The following KANK1 variants were observed in gnomAD, a reference collection of about 807,000 sequenced individuals.
KANK1 encodes the protein KN motif and ankyrin repeat domains 1, also known as KN motif and ankyrin repeat domain-containing protein 1.
KANK1 carries 109 observed loss-of-function variants against 106.2 expected under a neutral mutation model. That is an observed-to-expected ratio of 1.03 (90% CI 0.88 to 1.20). KANK1 has a LOEUF of 1.20. KANK1 is among the 50% of genes most tolerant of loss of function. The pLI is 0.00. For missense variants in KANK1, 2,399 were observed against 1,710.7 expected (o/e 1.40, Z -7.10); for synonymous variants, 873 against 652.2 (o/e 1.34, Z -5.16).
At chr9:655,159 C>T (rs1841846162) in intron 1 of KANK1, among the ~76,000 whole-genome samples, 1 of 152,094 alleles carries the variant, frequency 6.6e-6, no homozygotes, top group Non-Finnish European at 1.5e-5. Context: ...CACCTGCGGT[C>T]AGGAGCTCGG....
rs185023026 is a variant in KANK1, at chr9:734,622, T to C, written c.3246-126T>C. ...CGGAGGTTGCAGTGAGCCAAGATCATGCCACTGCACTCCAGCCTGGGCGAC... is the reference window on the plus strand; with the variant it reads ...CGGAGGTTGCAGTGAGCCAAGATCACGCCACTGCACTCCAGCCTGGGCGAC... On this transcript the variant is annotated intron_variant, in intron 6 of 11. Coordinates refer to ENST00000382297, the MANE Select transcript of KANK1 (RefSeq NM_015158.5). 6,908 of 610,508 alleles carry C rather than the reference T, an allele frequency of 0.011. 56 individuals carry two copies. The highest frequency in any genetic ancestry group is 0.015 in the Non-Finnish European group (5,227 of 338,808). 37.8% of individuals were successfully genotyped at this position (610,508 alleles called of 1,614,324 possible).
chr9:510,031 C>T (rs966239075), intron 1 of KANK1, among the ~76,000 whole-genome samples: 8 of 151,418 alleles, frequency 5.3e-5, no homozygotes, highest in Admixed American at 2.6e-4. Context: ...AGGCGGGTCT[C>T]AAACTCCTGG....
chr9:631,687 A>T (rs552619080), intron 1 of KANK1, among the ~76,000 whole-genome samples: 2 of 152,072 alleles, frequency 1.3e-5, no homozygotes, highest in African/African-American at 4.8e-5. Flanking sequence ...ATAAAGTCCA[A>T]CTGTTTAGCT....
Position 618,784 on chromosome 9 carries a change from C to T in KANK1, c.-83-58106C>T, listed in dbSNP as rs866726727. ...ATGCTTCCATTCAGTAAGAAAGCTC[C>T]TGCACACTGGGTGAACAGGCGGTGT... On this transcript the variant is annotated intron_variant, in intron 1 of 11. Coordinates refer to ENST00000382297, the MANE Select transcript of KANK1 (RefSeq NM_015158.5). Among the ~76,000 whole-genome samples the T allele has an allele frequency of 5.9e-5, 9 of 152,248 alleles. No homozygotes were observed. In the South Asian group the frequency reaches 1.9e-3, roughly 32 times the overall value.
chr9:547,236 A>C (rs1362160339), intron 1 of KANK1: 1 of 152,152 alleles, frequency 6.6e-6, no homozygotes, highest in Non-Finnish European at 1.5e-5. Context: ...AGCCCCTCTA[A>C]CGTCAGGCTG....
intron 1 of KANK1, among the ~76,000 whole-genome samples, chr9:629,079 A>C (rs977155611): frequency 2.6e-5 from 1 of 37,966 alleles, no homozygotes; most frequent in African/African-American, 1.2e-4. Context: ...ACTGTTTCCA[A>C]AAAAAAAAAA....
rs566228883 is a variant in KANK1 at position 530,495 on chromosome 9, A to G, written c.-84+25741A>G. On this transcript the variant is annotated intron_variant, in intron 1 of 11. Coordinates refer to ENST00000382297, the MANE Select transcript of KANK1 (RefSeq NM_015158.5). ...CATTTTCCCTCTGACTAAATCCCCC[A>G]TGCCTATGTGTCTGTTTCTTGACTT... Among the ~76,000 whole-genome samples, 8 of 152,196 alleles carry G rather than the reference A, an allele frequency of 5.3e-5. No individual in the cohort carries two copies. In the East Asian group the frequency reaches 1.3e-3, roughly 26 times the overall value.
At chr9:502,685 G>A (rs143064356), upstream of KANK1, among the ~76,000 whole-genome samples, 475 of 152,154 alleles carry the variant, frequency 3.1e-3, 3 homozygotes, top group African/African-American at 0.011. Flanking sequence ...ACCACGCCCA[G>A]CGAATTTTTT....
At position 512,340 on chromosome 9, in the gene KANK1, C is replaced by G. The variant is rs146885020; in HGVS notation, c.-84+7586C>G. On this transcript the variant is annotated intron_variant, in intron 1 of 11. Coordinates refer to ENST00000382297, the MANE Select transcript of KANK1 (RefSeq NM_015158.5). ...TAGTCCTAAATACTGCATTGTGGGC[C>G]AACAGATGGAGACAAGGAGAGTCTA... 2.3e-3 allele frequency among the ~76,000 whole-genome samples: 342 copies of G among 151,844 alleles called. 1 individual carries two copies. The highest frequency in any genetic ancestry group is 7.8e-3 in the African/African-American group (324 of 41,316).
intron 1 of KANK1, among the ~76,000 whole-genome samples, chr9:537,215 C>T (rs2060347154): frequency 6.6e-6 from 1 of 152,154 alleles, no homozygotes; most frequent in South Asian, 2.1e-4. Flanking sequence ...ATGCTTGCAC[C>T]TCTGCTCTTG....
At position 480,576 on chromosome 9, in the gene KANK1, C is replaced by T. The variant is rs531018222; in HGVS notation, c.-362+7303C>T. Among the ~76,000 whole-genome samples the T allele has an allele frequency of 2.6e-5, 4 of 152,256 alleles. No individual in the cohort carries two copies. In the South Asian group the frequency reaches 8.3e-4, roughly 32 times the overall value. The stretch of plus-strand genomic sequence containing the variant: ...CATTTAGCAGTAAAAAGTAAGTTAC[C>T]AAAAGGATTTAATGCAGTTAGTATG... On this transcript the variant is annotated intron_variant, in intron 3 of 15. Coordinates refer to the KANK1 transcript ENST00000382303.
chr9:486,548 T>C (rs1273011086), intron 3 of KANK1, among the ~76,000 whole-genome samples: 1 of 152,202 alleles, frequency 6.6e-6, no homozygotes, highest in African/African-American at 2.4e-5. Flanking sequence ...CAAGGTTATA[T>C]AGCCTGTGAG....
At chr9:722,733 G>C (rs1360333634) in intron 3 of KANK1, among the ~76,000 whole-genome samples, 2 of 152,158 alleles carry the variant, frequency 1.3e-5, no homozygotes, top group African/African-American at 4.8e-5. Context: ...ATTTAATGAG[G>C]TTCTTTTCCT....
At chr9:536,314 C>T (rs1158431429) in intron 1 of KANK1, among the ~76,000 whole-genome samples, 1 of 152,160 alleles carries the variant, frequency 6.6e-6, no homozygotes, top group Non-Finnish European at 1.5e-5. Context: ...TGCACTCCAA[C>T]TTGGGCAACA....
intron 1 of KANK1, among the ~76,000 whole-genome samples, chr9:590,685 A>G (rs1824647869): frequency 6.7e-6 from 1 of 149,318 alleles, no homozygotes; most frequent in African/African-American, 2.6e-5. Context: ...TCTTAAATAC[A>G]GAAATGCACC....
At chr9:503,141 C>G (rs116812340), upstream of KANK1, among the ~76,000 whole-genome samples, 3,519 of 151,722 alleles carry the variant, frequency 0.023, 151 homozygotes, top group African/African-American at 0.081. Flanking sequence ...GCCTGGCCGA[C>G]GAGCACTTTT....
At chr9:741,298 C>G (rs1265908221) in intron 9 of KANK1, among the ~76,000 whole-genome samples, 1 of 151,840 alleles carries the variant, frequency 6.6e-6, no homozygotes, top group Non-Finnish European at 1.5e-5. Context: ...AAACAGTGTC[C>G]CAGGTCCAGA....
intron 4 of KANK1, 107 bp from the exon 5 acceptor site, chr9:731,051 G>T: frequency 3.8e-6 from 2 of 527,588 alleles, no homozygotes. Context: ...ACATATATAT[G>T]CCAAGATCTA....
chr9:472,893 T>C (rs900708548), intron 2 of KANK1, among the ~76,000 whole-genome samples: 2 of 152,166 alleles, frequency 1.3e-5, no homozygotes, highest in African/African-American at 2.4e-5. Context: ...ATGGTCAGCA[T>C]GAGAGCATGA....
Sources: gnomAD v4.1 joint callset for allele counts (sites outside exome capture counted in the v4.1 genomes callset) on GRCh38, gnomAD v4.1.1 for gene constraint, MANE v1.5 for transcripts, NCBI Gene and HGNC (gene_info 2026-07-23, HGNC 2026-07-21) for gene names.